The following SPG7 variants were observed in gnomAD, a reference collection of about 807,000 sequenced individuals.
SPG7 encodes mitochondrial inner membrane m-AAA protease component paraplegin.
A neutral mutation model predicts 81.9 loss-of-function variants in SPG7; 103 were observed. The observed-to-expected ratio is 1.26, with a 90% CI of 1.07 to 1.48. The LOEUF (loss-of-function observed/expected upper bound fraction) is 1.48. SPG7 is among the 40% of genes most tolerant of loss of function. The probability of loss-of-function intolerance (pLI) is 0.00; values close to 1 mark genes in which losing one functional copy is unlikely to be tolerated. For synonymous variants in SPG7, 534 were observed against 444.2 expected (o/e 1.20, Z -2.54); for missense variants, 1,241 against 1,087.3 (o/e 1.14, Z -1.99).
intron 1 of SPG7, 118 bp downstream of exon 1, chr16:89,508,718 G>A (rs1244474420): frequency 7.5e-6 from 8 of 1,073,766 alleles, no homozygotes; most frequent in Non-Finnish European, 1.1e-5. Flanking sequence ...TGCGCCTGTG[G>A]GCCCGCGGAT....
intron 13 of SPG7, chr16:89,552,166 C>G (rs1386544628): frequency 6.6e-6 from 1 of 152,402 alleles, no homozygotes; most frequent in Non-Finnish European, 1.5e-5. Flanking sequence ...TCACACGATC[C>G]TCCTACCTCA....
chr16:89,537,935 G>A (rs1317712642), intron 9 of SPG7: 3 of 235,550 alleles, frequency 1.3e-5, no homozygotes, highest in Non-Finnish European at 2.1e-5. Flanking sequence ...GCTGGCAGAG[G>A]GAGAAGCTGA....
At chr16:89,526,578 G>A in intron 5 of SPG7, 110 bp downstream of exon 5, 1 of 1,180,222 alleles carries the variant, frequency 8.5e-7, no homozygotes, top group Non-Finnish European at 1.3e-6. Context: ...TAGTTAACTA[G>A]ACTTTTTAGT....
chr16:89,523,758 C>T (rs1203773806), intron 3 of SPG7: 10 of 630,052 alleles, frequency 1.6e-5, no homozygotes, highest in Non-Finnish European at 2.6e-5. Flanking sequence ...ATGGTTTCCT[C>T]TTAGGTGGGA....
rs760661764 is a variant in SPG7, at chr16:89,556,939, C to T, written c.2234C>T (p.Ala745Val). The change falls in exon 17 of 17, where the codon GCT becomes GTT. Residue 745 changes from alanine (A) to valine (V), a missense_variant. Transcript: ENST00000645818. ...KEVINYEDIE[A>V]LIGPPPHGPK... is the part of the protein sequence containing the mutation. ...GTGATAAACTATGAGGACATTGAGG[C>T]TCTCATTGGCCCGCCGCCCCATGGG... The T allele has an allele frequency of 6.2e-7, 1 of 1,614,100 alleles. No homozygotes were observed. The highest frequency in any genetic ancestry group is 8.5e-7 in the Non-Finnish European group (1 of 1,179,970).
intron 16 of SPG7, chr16:89,555,539 G>C (rs1021874335): frequency 2.8e-5 from 6 of 213,054 alleles, no homozygotes; most frequent in African/African-American, 1.4e-4. Flanking sequence ...GATGTGCTGA[G>C]TCTCCCCAGT....
At position 89,552,105 on chromosome 16, in the gene SPG7, C is replaced by G. The variant is rs886188492; in HGVS notation, c.1780-874C>G. On this transcript the variant is annotated intron_variant, in intron 13 of 16. Coordinates refer to ENST00000645818, the MANE Select transcript of SPG7 (RefSeq NM_003119.4). Reference sequence around the variant, plus strand: ...AGGGTCTCTCTCTCTGTTGCCCAGACCGGAGTCCAGTGGTGCGATCACAGC... The same window carrying G: ...AGGGTCTCTCTCTCTGTTGCCCAGAGCGGAGTCCAGTGGTGCGATCACAGC... The G allele has an allele frequency of 7.2e-5, 11 of 152,218 alleles. No individual in the cohort carries two copies. In the East Asian group the frequency reaches 1.9e-3, roughly 27 times the overall value. The allele number at this position is 152,218 out of a possible 1,614,324, so 9.4% of individuals were successfully genotyped here.
intron 7 of SPG7, chr16:89,531,240 C>G (rs368001631): frequency 7.2e-4 from 246 of 340,374 alleles, no homozygotes; most frequent in African/African-American, 1.7e-3. Flanking sequence ...GTTCCCTCTG[C>G]AGGCCTGGTA....
chr16:89,513,079 A>G, intron 3 of SPG7, 42 bp downstream of exon 3: 1 of 1,561,894 alleles, frequency 6.4e-7, no homozygotes, highest in South Asian at 1.2e-5. Context: ...CTGCCTCTGG[A>G]TGTCTTTACA....
intron 9 of SPG7, 73 bp downstream of exon 9, chr16:89,532,709 G>T: frequency 6.3e-7 from 1 of 1,580,258 alleles, no homozygotes. Context: ...AGAACAGGTT[G>T]TGGTGAGCCA....
intron 9 of SPG7, chr16:89,536,625 G>T: frequency 1.0e-6 from 1 of 965,534 alleles, no homozygotes. Context: ...AGGCGGGTGA[G>T]GGCGGGTGAG....
chr16:89,531,950 C>T lies in SPG7; in HGVS notation c.1034C>T (p.Ala345Val), dbSNP rs1048851280. Reference sequence around the variant, plus strand: ...CTTGGCGCCAAGGTCCCAAAGGGCGCACTGCTGCTCGGCCCCCCCGGCTGT... The same window carrying T: ...CTTGGCGCCAAGGTCCCAAAGGGCGTACTGCTGCTCGGCCCCCCCGGCTGT... ...LQLGAKVPKG[A>V]LLLGPPGCGK... Residue 345 changes from alanine (A) to valine (V), a missense_variant, in exon 8 of 17, where the codon GCA (alanine) becomes GTA (valine). Physicochemically the swap from Ala to Val is moderately conservative, Grantham distance 64. Coordinates refer to ENST00000645818, the MANE Select transcript of SPG7 (RefSeq NM_003119.4). The T allele has an allele frequency of 1.9e-6, 3 of 1,614,132 alleles. No individual in the cohort carries two copies. The highest frequency in any genetic ancestry group is 1.7e-5 in the Admixed American group (1 of 60,034).
chr16:89,555,965 G>A (rs2058684309), intron 16 of SPG7: 2 of 398,936 alleles, frequency 5.0e-6, no homozygotes, highest in African/African-American at 2.1e-5. Flanking sequence ...GCAGGTGTGG[G>A]CGGTGCCGTC....
chr16:89,525,473 T>C (rs1464822232), intron 4 of SPG7, among the ~76,000 whole-genome samples: 1 of 152,202 alleles, frequency 6.6e-6, no homozygotes, highest in African/African-American at 2.4e-5. Flanking sequence ...CTCAGAATTC[T>C]GTCTTAGCAG....
intron 11 of SPG7, chr16:89,547,394 G>T (rs1481109139): frequency 5.6e-6 from 1 of 179,600 alleles, no homozygotes; most frequent in Non-Finnish European, 1.2e-5. Context: ...GGGCGTCAGG[G>T]CGGATGGAGC....
rs1052772091 is a variant in SPG7, at chr16:89,553,833, A to G, written c.1976A>G (p.Tyr659Cys). The G allele has an allele frequency of 3.3e-5, 54 of 1,613,156 alleles. No individual in the cohort carries two copies. Among genetic ancestry groups the G allele is most frequent in the Non-Finnish European group, 4.2e-5 (49 of 1,179,920 alleles). The change falls in exon 15 of 17, where the codon TAC becomes TGC. Residue 659 changes from tyrosine to cysteine, a missense_variant. Physicochemically the swap from Tyr to Cys is radical, Grantham distance 194 (BLOSUM62 -2). Coordinates refer to ENST00000645818, the MANE Select transcript of SPG7 (RefSeq NM_003119.4). ...DDLRKVTRIA[Y>C]SMVKQFGMAP... ...CTGAGGAAGGTCACCCGCATCGCCT[A>G]CTCCATGGTGAAGCAGTTTGGGATG...
At chr16:89,549,108 C>T (rs1313568046) in intron 12 of SPG7, 1 of 456,566 alleles carries the variant, frequency 2.2e-6, no homozygotes, top group African/African-American at 2.0e-5. Context: ...ACTGGCGCTG[C>T]CTGTGTCTTA....
At chr16:89,537,156 C>T (rs1020171018) in intron 9 of SPG7, 22 of 1,455,710 alleles carry the variant, frequency 1.5e-5, no homozygotes, top group East Asian at 1.2e-4. Flanking sequence ...TTGTTGCTTC[C>T]GTTCATGGAA....
chr16:89,530,606 C>A (rs183376925), intron 6 of SPG7, 77 bp from the exon 7 acceptor site: 17 of 1,580,788 alleles, frequency 1.1e-5, no homozygotes, highest in Admixed American at 5.0e-5. Context: ...GGCTCAGGTG[C>A]GTGGGCTGAG....
Sources: gnomAD v4.1 joint callset for allele counts (sites outside exome capture counted in the v4.1 genomes callset) on GRCh38, gnomAD v4.1.1 for gene constraint, MANE v1.5 for transcripts, NCBI Gene and HGNC (gene_info 2026-07-23, HGNC 2026-07-21) for gene names.